DAP3: variants seen among roughly 807,000 people sequenced by gnomAD.
DAP3 encodes death associated protein 3.
In DAP3, 28 loss-of-function variants were observed where a neutral mutation model predicts 51.9. That is an observed-to-expected ratio of 0.54 (90% CI 0.40 to 0.74). The LOEUF (loss-of-function observed/expected upper bound fraction) is 0.74, where lower values mean the gene tolerates loss of function less well. DAP3 is among the 30% of genes least tolerant of loss of function. The pLI is 0.00. For synonymous variants in DAP3, 170 were observed against 170.3 expected (o/e 1.00, Z 0.01); for missense variants, 458 against 483.5 (o/e 0.95, Z 0.49).
At chr1:155,721,192 CG>C (rs1473745675) in intron 3 of DAP3, among the ~76,000 whole-genome samples, 2 of 151,628 alleles carry the variant, frequency 1.3e-5, no homozygotes. Context: ...AAAAATTAGC[CG>C]GGTGCGGTGG....
intron 11 of DAP3, among the ~76,000 whole-genome samples, chr1:155,735,954 G>A (rs544132831): frequency 6.6e-4 from 97 of 147,908 alleles, no homozygotes; most frequent in African/African-American, 2.4e-3. Context: ...CAATTCTTCT[G>A]CCTCAGTCTC....
At chr1:155,688,215 G>A (rs754899308), upstream of DAP3, 6 of 1,613,746 alleles carry the variant, frequency 3.7e-6, no homozygotes, top group Admixed American at 6.7e-5. Flanking sequence ...GCGGAAATGC[G>A]AGAGAGGAGA....
intron 1 of DAP3, among the ~76,000 whole-genome samples, chr1:155,690,026 C>T (rs576612058): frequency 1.6e-5 from 2 of 122,386 alleles, no homozygotes; most frequent in South Asian, 4.2e-4. Context: ...ATGTCGATAA[C>T]GTTTGTGGGT....
At chr1:155,714,120 T>A (rs1657051364) in intron 2 of DAP3, among the ~76,000 whole-genome samples, 1 of 152,202 alleles carries the variant, frequency 6.6e-6, no homozygotes, top group African/African-American at 2.4e-5. Context: ...TTCAGCATGG[T>A]CATATGGTTA....
intron 2 of DAP3, among the ~76,000 whole-genome samples, chr1:155,714,539 C>A (rs748126270): frequency 3.3e-5 from 5 of 151,570 alleles, no homozygotes; most frequent in Non-Finnish European, 4.4e-5. Context: ...CTAAGGCGGG[C>A]AGATCACCTG....
At chr1:155,737,446 C>A (rs147736337) in intron 12 of DAP3, among the ~76,000 whole-genome samples, 1 of 152,284 alleles carries the variant, frequency 6.6e-6, no homozygotes, top group East Asian at 1.9e-4. Context: ...TACTCCAGCA[C>A]CTAAGTAAAT....
In DAP3 at chr1:155,738,492, T is replaced by G. The variant is rs567340961; in HGVS notation, c.*250T>G. 1 of 417,638 alleles carries G rather than the reference T, an allele frequency of 2.4e-6. No homozygotes were observed. Among genetic ancestry groups the G allele is most frequent in the Admixed American group, 4.0e-5 (1 of 24,950 alleles). The allele number at this position is 417,638 out of a possible 1,614,324, so 25.9% of individuals were successfully genotyped here. A position where few individuals can be genotyped will look rare whatever the true frequency, so the allele number is the denominator to read the frequency against. On this transcript the variant is annotated 3_prime_UTR_variant, in exon 13 of 13. Coordinates refer to ENST00000368336, the MANE Select transcript of DAP3 (RefSeq NM_004632.4). ...TGTGGTTTTTCACATTTAAGATAAT[T>G]ATGGCTCTTTTCCTAAAAAATAAAA...
chr1:155,688,684 C>A (rs1225415577), upstream of DAP3: 24 of 1,529,606 alleles, frequency 1.6e-5, no homozygotes, highest in South Asian at 2.5e-4. Context: ...CCCAAGCCTT[C>A]TCCACCTCCT....
intron 1 of DAP3, among the ~76,000 whole-genome samples, chr1:155,701,817 C>A (rs1655321075): frequency 6.6e-6 from 1 of 151,778 alleles, no homozygotes. Context: ...TTCAACCACA[C>A]TGGATCCTTG....
intron 11 of DAP3, among the ~76,000 whole-genome samples, chr1:155,734,190 A>G (rs1281390369): frequency 1.3e-5 from 2 of 152,008 alleles, no homozygotes; most frequent in East Asian, 1.9e-4. Context: ...GCTAACTTCT[A>G]TATCCTTTTA....
At chr1:155,695,311 G>T (rs1040632371) in intron 1 of DAP3, among the ~76,000 whole-genome samples, 6 of 152,196 alleles carry the variant, frequency 3.9e-5, no homozygotes, top group Admixed American at 1.3e-4. Context: ...GCCAGATCAT[G>T]TTAGGTGCCA....
chr1:155,700,117 G>C (rs1654993689), intron 1 of DAP3, among the ~76,000 whole-genome samples: 1 of 151,982 alleles, frequency 6.6e-6, no homozygotes, highest in Admixed American at 6.6e-5. Flanking sequence ...TGGTATTTTT[G>C]GTAGAGACAG....
chr1:155,709,047 C>T (rs938202297), intron 1 of DAP3: 1 of 151,848 alleles, frequency 6.6e-6, no homozygotes, highest in Non-Finnish European at 1.5e-5. Flanking sequence ...GAAGTTTTAC[C>T]ATGTTGGCCA....
At chr1:155,688,250 G>A (rs766112872), upstream of DAP3, 29 of 1,607,800 alleles carry the variant, frequency 1.8e-5, no homozygotes, top group Non-Finnish European at 2.3e-5. Context: ...GGCTAAAGGG[G>A]CAAACTGAGA....
At chr1:155,700,750 G>C (rs1359618173) in intron 1 of DAP3, among the ~76,000 whole-genome samples, 1 of 145,028 alleles carries the variant, frequency 6.9e-6, no homozygotes, top group African/African-American at 2.6e-5. Flanking sequence ...AGGTGGGGGG[G>C]TCAGCCCTCC....
At chr1:155,710,605 G>A (rs1353128119) in intron 2 of DAP3, 1 of 151,820 alleles carries the variant, frequency 6.6e-6, no homozygotes, top group Non-Finnish European at 1.5e-5. Flanking sequence ...TTATTTGTTG[G>A]GTATTATTAT....
chr1:155,701,048 A>G (rs1571445361), intron 1 of DAP3, among the ~76,000 whole-genome samples: 4 of 103,990 alleles, frequency 3.8e-5, no homozygotes, highest in African/African-American at 1.6e-4. Flanking sequence ...TCCGGGAGGG[A>G]GGTGGGGGGG....
In DAP3 at chr1:155,727,695, G is replaced by A; in HGVS notation, c.560G>A (p.Trp187Ter). 6.2e-7 allele frequency: 1 copy of A among 1,613,668 alleles called. No homozygotes were observed. The highest frequency in any genetic ancestry group is 2.2e-5 in the East Asian group (1 of 44,860). ...GATCAACCTTTAGAGGCTTCAACCT[G>A]GCTGAAGAATTTCAAAACTACAAAT... ...RFDQPLEAST[W>*]LKNFKTTNER... Residue 187 changes from tryptophan (W) to a stop codon, truncating the protein, a stop_gained, in exon 7 of 13, where the codon TGG becomes TAG. Transcript: ENST00000368336. LOFTEE classifies it high-confidence loss of function.
Position 155,694,608 on chromosome 1 carries a change from T to G in DAP3, c.-8+5434T>G, listed in dbSNP as rs1159837294. On this transcript the variant is annotated intron_variant, in intron 1 of 12. Transcript: ENST00000368336. ...GTCTTCATCTGGTTGGCTGAAATGTTCATTCGAGCCATCAGGCGTGCTGGG... is the reference window on the plus strand; with the variant it reads ...GTCTTCATCTGGTTGGCTGAAATGTGCATTCGAGCCATCAGGCGTGCTGGG... Among the ~76,000 whole-genome samples, 11 of 122,878 alleles carry G rather than the reference T, an allele frequency of 9.0e-5. 3 individuals carry two copies. Among genetic ancestry groups the G allele is most frequent in the African/African-American group, 4.4e-4 (6 of 13,752 alleles). 80.6% of individuals were successfully genotyped at this position (122,878 alleles called of 152,430 possible). A position where few individuals can be genotyped will look rare whatever the true frequency, so the allele number is the denominator to read the frequency against.
Sources: gnomAD v4.1 joint callset for allele counts (sites outside exome capture counted in the v4.1 genomes callset) on GRCh38, gnomAD v4.1.1 for gene constraint, MANE v1.5 for transcripts, NCBI Gene and HGNC (gene_info 2026-07-23, HGNC 2026-07-21) for gene names.